SUGP1: variants seen among roughly 807,000 people sequenced by gnomAD.
The protein encoded by SUGP1 is SURP and G-patch domain containing 1.
In SUGP1, 34 loss-of-function variants were observed where a neutral mutation model predicts 76.5. The observed-to-expected ratio is 0.44, with a 90% CI of 0.34 to 0.59. SUGP1 has a LOEUF of 0.59. Among genes scored for constraint, SUGP1 ranks in the 20% least tolerant of loss-of-function variants. The probability of loss-of-function intolerance (pLI) is 0.01; values close to 1 mark genes in which losing one functional copy is unlikely to be tolerated. For synonymous variants in SUGP1, 326 were observed against 326.2 expected, an observed-to-expected ratio of 1.00 and a Z score of 0.01; for missense variants, 752 against 851.7, an observed-to-expected ratio of 0.88 and a Z score of 1.46.
At chr19:19,283,530 C>A (rs973523816) in intron 8 of SUGP1, among the ~76,000 whole-genome samples, 8 of 152,106 alleles carry the variant, frequency 5.3e-5, no homozygotes, top group African/African-American at 1.9e-4. Flanking sequence ...CTTCGGCTCA[C>A]TGCAACCTCC....
chr19:19,296,082 C>T lies in SUGP1; in HGVS notation c.1243+907G>A, dbSNP rs531333482. ...CTATAATCCCGGCACTTTGGGAGGC[C>T]GAGGCAGGAGGATCACTTGAGGACA... On this transcript the variant is annotated intron_variant, in intron 8 of 13. Coordinates refer to ENST00000247001, the MANE Select transcript of SUGP1 (RefSeq NM_172231.4). Among the ~76,000 whole-genome samples the T allele has an allele frequency of 4.6e-5, 7 of 151,944 alleles. No individual in the cohort carries two copies. The South Asian group carries it at 8.3e-4, about 18-fold the overall frequency.
At chr19:19,294,417 G>T (rs2061208739) in intron 8 of SUGP1, among the ~76,000 whole-genome samples, 1 of 151,082 alleles carries the variant, frequency 6.6e-6, no homozygotes, top group Non-Finnish European at 1.5e-5. Flanking sequence ...CCACCTACTT[G>T]GGAGGCTGAG....
At chr19:19,287,668 T>C (rs1568621653) in intron 8 of SUGP1, among the ~76,000 whole-genome samples, 1 of 151,986 alleles carries the variant, frequency 6.6e-6, no homozygotes, top group Non-Finnish European at 1.5e-5. Context: ...GAGTGCCAGA[T>C]GATGAGGAAG....
At chr19:19,284,460 TAA>T (rs879445979) in intron 8 of SUGP1, among the ~76,000 whole-genome samples, 1 of 144,256 alleles carries the variant, frequency 6.9e-6, no homozygotes, top group Non-Finnish European at 1.5e-5. Flanking sequence ...GGACCACTGT[TAA>T]AAAAAAAAAA....
At chr19:19,311,494 G>A (rs535328676) in intron 2 of SUGP1, among the ~76,000 whole-genome samples, 2 of 151,948 alleles carry the variant, frequency 1.3e-5, no homozygotes, top group East Asian at 1.9e-4. Context: ...TTGGGAGGCC[G>A]AGGTGGGCGG....
chr19:19,307,049 CT>C (rs955672648), intron 3 of SUGP1, among the ~76,000 whole-genome samples: 183 of 145,364 alleles, frequency 1.3e-3, no homozygotes, highest in African/African-American at 1.9e-3. Context: ...GGGACCTCAT[CT>C]TTTTTTTTTT....
chr19:19,282,813 C>T (rs1202270101), intron 8 of SUGP1, among the ~76,000 whole-genome samples: 1 of 152,174 alleles, frequency 6.6e-6, no homozygotes, highest in African/African-American at 2.4e-5. Context: ...CACGGCGGCT[C>T]ACGCCTGTAA....
chr19:19,286,645 G>A (rs2061142237), intron 8 of SUGP1, among the ~76,000 whole-genome samples: 2 of 152,186 alleles, frequency 1.3e-5, no homozygotes, highest in South Asian at 4.1e-4. Flanking sequence ...CTGCTTGGGA[G>A]GCTGAGGCGG....
intron 4 of SUGP1, among the ~76,000 whole-genome samples, chr19:19,304,742 G>T (rs1385165883): frequency 6.6e-6 from 1 of 152,184 alleles, no homozygotes; most frequent in East Asian, 1.9e-4. Flanking sequence ...CCTGGCAACT[G>T]GGCAACATGC....
At chr19:19,280,319 G>T (rs769566272) in intron 8 of SUGP1, 28 bp from the exon 9 acceptor site, 3 of 1,601,274 alleles carry the variant, frequency 1.9e-6, no homozygotes, top group East Asian at 4.5e-5. Flanking sequence ...AGGGTAGTCA[G>T]AGCCTGACAG....
chr19:19,306,143 C>A, intron 3 of SUGP1, 67 bp from the exon 4 acceptor site: 1 of 1,415,308 alleles, frequency 7.1e-7, no homozygotes, highest in Non-Finnish European at 9.3e-7. Flanking sequence ...TCCGACCTAA[C>A]CTAGGTGCTG....
Position 19,279,193 on chromosome 19 carries a change from C to A in SUGP1, c.1528+20G>T. 6.4e-7 allele frequency: 1 copy of A among 1,567,004 alleles called. No individual in the cohort carries two copies. Among genetic ancestry groups the A allele is most frequent in the Non-Finnish European group, 8.6e-7 (1 of 1,156,110 alleles). On this transcript the variant is annotated intron_variant, in intron 10 of 13. Coordinates refer to ENST00000247001, the MANE Select transcript of SUGP1 (RefSeq NM_172231.4). ...GGGCCATGCCCAGCCCAGCCCGGCC[C>A]ACCCCGCTGCCCCACATACCCCTGG...
chr19:19,313,355 A>G (rs1003922037), intron 2 of SUGP1, among the ~76,000 whole-genome samples: 2 of 152,176 alleles, frequency 1.3e-5, no homozygotes, highest in Non-Finnish European at 2.9e-5. Context: ...AGATCGCGCC[A>G]TTGCACTCCA....
chr19:19,316,134 C>A, intron 2 of SUGP1: 1 of 337,304 alleles, frequency 3.0e-6, no homozygotes, highest in Non-Finnish European at 5.4e-6. Context: ...CACCTGAACT[C>A]AAGGCAGAGA....
At chr19:19,300,511 A>T (rs985243611) in intron 7 of SUGP1, among the ~76,000 whole-genome samples, 9 of 152,162 alleles carry the variant, frequency 5.9e-5, no homozygotes, top group Non-Finnish European at 1.0e-4. Context: ...GGGTGAGGGG[A>T]GGTCTGCCAA....
chr19:19,313,983 C>T lies in SUGP1; in HGVS notation c.206+2439G>A, dbSNP rs370132352. Among the ~76,000 whole-genome samples the T allele has an allele frequency of 2.7e-4, 41 of 151,966 alleles. 1 individual carries two copies. Among genetic ancestry groups the T allele is most frequent in the African/African-American group, 9.4e-4 (39 of 41,436 alleles). On this transcript the variant is annotated intron_variant, in intron 2 of 13. Transcript: ENST00000247001. ...ATGAAACCCCATCTCTACTAAAATA[C>T]AAAAATTAGCCGGGCACGATGGTGG...
At chr19:19,299,558 T>A (rs944782759) in intron 7 of SUGP1, among the ~76,000 whole-genome samples, 1 of 149,874 alleles carries the variant, frequency 6.7e-6, no homozygotes, top group Non-Finnish European at 1.5e-5. Context: ...TTTTTTTGTA[T>A]TTTTTAGTAG....
At chr19:19,291,463 A>T (rs2061182328) in intron 8 of SUGP1, among the ~76,000 whole-genome samples, 1 of 152,230 alleles carries the variant, frequency 6.6e-6, no homozygotes, top group South Asian at 2.1e-4. Flanking sequence ...AAGAAAATAC[A>T]ATAAACTGTG....
chr19:19,277,101 A>C, intron 12 of SUGP1, 25 bp from the exon 13 acceptor site: 1 of 1,598,768 alleles, frequency 6.3e-7, no homozygotes, highest in Middle Eastern at 1.7e-4. Flanking sequence ...GGATGTGAGC[A>C]GGGACCTGGG....
Sources: allele counts gnomAD v4.1 joint callset (sites outside exome capture counted in the v4.1 genomes callset), GRCh38; gene constraint gnomAD v4.1.1; transcripts MANE v1.5; gene names NCBI Gene and HGNC (gene_info 2026-07-23, HGNC 2026-07-21).